Variants in MMP16 observed in about 807,000 individuals in gnomAD.
The protein encoded by MMP16 is matrix metallopeptidase 16.
In MMP16, 12 loss-of-function variants were observed where a neutral mutation model predicts 67.8. That is an observed-to-expected ratio of 0.18 (90% CI 0.11 to 0.29). The LOEUF (loss-of-function observed/expected upper bound fraction) is 0.29. Ranked by LOEUF, MMP16 falls within the 10% of genes least tolerant of loss-of-function variation. The pLI is 1.00. For missense variants in MMP16, 475 were observed against 765.7 expected (o/e 0.62, Z 4.48); for synonymous variants, 249 against 255.9 (o/e 0.97, Z 0.26).
chr8:88,268,812 C>A (rs940229262), intron 1 of MMP16, among the ~76,000 whole-genome samples: 1 of 125,780 alleles, frequency 8.0e-6, no homozygotes, highest in African/African-American at 2.8e-5. Context: ...ACAAATCCCA[C>A]ACTTTGTTAT....
intron 9 of MMP16, among the ~76,000 whole-genome samples, chr8:88,045,857 A>G (rs1485178141): frequency 6.6e-6 from 1 of 152,206 alleles, no homozygotes; most frequent in East Asian, 1.9e-4. Flanking sequence ...AGGACTACAT[A>G]ATATACTATT....
chr8:88,044,667 T>G (rs1304608215), intron 9 of MMP16, among the ~76,000 whole-genome samples: 1 of 152,192 alleles, frequency 6.6e-6, no homozygotes, highest in Non-Finnish European at 1.5e-5. Flanking sequence ...TGACTGAACA[T>G]CATTGGACTT....
intron 4 of MMP16, among the ~76,000 whole-genome samples, chr8:88,164,281 CA>C (rs1207007697): frequency 3.3e-5 from 5 of 151,624 alleles, no homozygotes; most frequent in East Asian, 1.9e-4. Context: ...GTAAGTAAGC[CA>C]GGGGGCATTC....
intron 9 of MMP16, among the ~76,000 whole-genome samples, chr8:88,044,590 T>C (rs889238290): frequency 6.6e-6 from 1 of 152,206 alleles, no homozygotes; most frequent in Admixed American, 6.5e-5. Flanking sequence ...TTAACTAAAT[T>C]TTCATTGTTT....
intron 1 of MMP16, among the ~76,000 whole-genome samples, chr8:88,247,410 G>A (rs945923918): frequency 2.0e-5 from 3 of 152,016 alleles, no homozygotes; most frequent in Admixed American, 1.3e-4. Context: ...GTGACGAGGC[G>A]CCCAGAGGGT....
At chr8:88,202,122 G>T (rs915348739) in intron 1 of MMP16, among the ~76,000 whole-genome samples, 2 of 152,070 alleles carry the variant, frequency 1.3e-5, no homozygotes, top group Admixed American at 1.3e-4. Context: ...ATTAGTGTAC[G>T]AAATTGCACA....
At chr8:88,068,406 C>T (rs948696476) in intron 7 of MMP16, among the ~76,000 whole-genome samples, 1 of 151,932 alleles carries the variant, frequency 6.6e-6, no homozygotes, top group Admixed American at 6.6e-5. Flanking sequence ...TTTAAATTGT[C>T]TGATATATCA....
In MMP16 at chr8:88,058,309, T is replaced by C. The variant is rs35163500; in HGVS notation, c.1223-2031A>G. 5.5e-3 allele frequency among the ~76,000 whole-genome samples: 842 copies of C among 152,224 alleles called. 4 individuals carry two copies. The highest frequency in any genetic ancestry group is 9.6e-3 in the Non-Finnish European group (655 of 67,988). On this transcript the variant is annotated intron_variant, in intron 7 of 9. Coordinates refer to ENST00000286614, the MANE Select transcript of MMP16 (RefSeq NM_005941.5). The surrounding 1 kb of genome is among the most constrained non-coding windows in gnomAD (Gnocchi z 4.2). ...ATGATTTTTGGAGACAAATGGATTA[T>C]AAAGGGAAGAATGAAAATAAGATGA... is the stretch of plus-strand genomic sequence containing the variant.
At chr8:88,219,296 A>C (rs1168396072) in intron 1 of MMP16, among the ~76,000 whole-genome samples, 1 of 152,052 alleles carries the variant, frequency 6.6e-6, no homozygotes, top group African/African-American at 2.4e-5. Flanking sequence ...ATACTGAATT[A>C]ACATCATAAT....
intron 1 of MMP16, among the ~76,000 whole-genome samples, chr8:88,303,850 G>GA (rs1290358373): frequency 7.9e-5 from 12 of 152,142 alleles, no homozygotes; most frequent in Admixed American, 7.9e-4. Context: ...ACAAAGATGA[G>GA]AAAGAATCAA....
At position 88,240,247 on chromosome 8, in the gene MMP16, C is replaced by G. The variant is rs534585052; in HGVS notation, c.133-42941G>C. Among the ~76,000 whole-genome samples, 3 of 152,248 alleles carry G rather than the reference C, an allele frequency of 2.0e-5. No individual in the cohort carries two copies. The East Asian group carries it at 5.8e-4, about 29-fold the overall frequency. ...ATTTTATGTGTGTCAATGGGCTCGG[C>G]CATGGTACCCAGATATTTGGAGGAT... On this transcript the variant is annotated intron_variant, in intron 1 of 9. Coordinates refer to ENST00000286614, the MANE Select transcript of MMP16 (RefSeq NM_005941.5).
intron 1 of MMP16, among the ~76,000 whole-genome samples, chr8:88,262,520 A>T (rs1242723559): frequency 6.6e-6 from 1 of 152,228 alleles, no homozygotes; most frequent in Non-Finnish European, 1.5e-5. Flanking sequence ...CCTCGCTAGC[A>T]GTATTGCTTA....
intron 9 of MMP16, among the ~76,000 whole-genome samples, chr8:88,046,177 C>T (rs1213104985): frequency 6.6e-6 from 1 of 152,046 alleles, no homozygotes; most frequent in South Asian, 2.1e-4. Context: ...TGTTATTATA[C>T]CATCATACAT....
At chr8:88,289,912 T>TCACTACCCTG (rs1262606827) in intron 1 of MMP16, among the ~76,000 whole-genome samples, 28 of 152,036 alleles carry the variant, frequency 1.8e-4, no homozygotes, top group Admixed American at 1.8e-3. Flanking sequence ...GGTGCTTCCC[T>TCACTACCCTG]CACTACCCTG....
At chr8:88,126,438 C>T (rs1468418371) in intron 4 of MMP16, among the ~76,000 whole-genome samples, 2 of 151,862 alleles carry the variant, frequency 1.3e-5, no homozygotes, top group Non-Finnish European at 2.9e-5. Context: ...GTAAGACATA[C>T]TGGGGTACAA....
At chr8:88,238,699 CTT>C (rs1389001236) in intron 1 of MMP16, among the ~76,000 whole-genome samples, 1 of 141,550 alleles carries the variant, frequency 7.1e-6, no homozygotes, top group Non-Finnish European at 1.5e-5. Context: ...GACGTGGGCT[CTT>C]TGTTTCCTAT....
intron 4 of MMP16, among the ~76,000 whole-genome samples, chr8:88,161,651 T>C (rs201115483): frequency 6.6e-6 from 1 of 151,992 alleles, no homozygotes; most frequent in Non-Finnish European, 1.5e-5. Context: ...GTTAGGGTGT[T>C]AATTTTAGAT....
chr8:88,194,600 G>A (rs1002192205), intron 2 of MMP16, among the ~76,000 whole-genome samples: 1 of 151,880 alleles, frequency 6.6e-6, no homozygotes, highest in Non-Finnish European at 1.5e-5. Flanking sequence ...AAAATAGGCA[G>A]GAAGCAAATG....
chr8:88,252,909 T>A (rs549522280), intron 1 of MMP16, among the ~76,000 whole-genome samples: 41 of 152,204 alleles, frequency 2.7e-4, no homozygotes, highest in African/African-American at 8.4e-4. Flanking sequence ...CCAAATAGAT[T>A]GGACAAAAAT....
Sources: gnomAD v4.1 joint callset for allele counts (sites outside exome capture counted in the v4.1 genomes callset) on GRCh38, gnomAD v4.1.1 for gene constraint, Gnocchi (gnomAD v3.1) non-coding constraint, MANE v1.5 for transcripts, NCBI Gene and HGNC (gene_info 2026-07-23, HGNC 2026-07-21) for gene names.